TMC6: variants seen among roughly 807,000 people sequenced by gnomAD.
TMC6 encodes transmembrane channel-like protein 6.
Under a neutral mutation model 95.4 loss-of-function variants are expected in TMC6, and 71 were observed. That is an observed-to-expected ratio of 0.74 (90% confidence interval 0.61 to 0.91). The LOEUF (loss-of-function observed/expected upper bound fraction) is 0.91, where lower values mean the gene tolerates loss of function less well. Ranked by LOEUF, TMC6 falls within the 40% of genes least tolerant of loss-of-function variation. The probability of loss-of-function intolerance (pLI) is 0.00; values close to 1 mark genes in which losing one functional copy is unlikely to be tolerated. For synonymous variants in TMC6, 514 were observed against 483.1 expected, an observed-to-expected ratio of 1.06 and a Z score of -0.84; for missense variants, 1,074 against 1,079.1, an observed-to-expected ratio of 1.00 and a Z score of 0.07.
At chr17:78,118,286 G>C (rs2074233971) in intron 15 of TMC6, 1 of 383,966 alleles carries the variant, frequency 2.6e-6, no homozygotes, top group East Asian at 6.1e-5. Context: ...GCCAGGTGCG[G>C]TGGCTCATGC....
Position 78,117,518 on chromosome 17 carries a change from C to A in TMC6, c.2148G>T (p.Arg716=). The A allele has an allele frequency of 6.2e-7, 1 of 1,606,182 alleles. No individual in the cohort carries two copies. ...CAAAGAAGGTGTTTTCCATCAGGTA[C>A]CGGTGCACCCAGGGCAGCCAGGAGA... The part of the protein sequence containing the change: ...PRVSWLPWVH[R]YLMENTFFVF... The change falls in exon 17 of 20, where the codon CGG becomes CGT. Residue 716 remains arginine (R), a synonymous_variant. Transcript: ENST00000590602.
Position 78,119,334 on chromosome 17 carries a change from T to C in TMC6, c.1774A>G (p.Asn592Asp), listed in dbSNP as rs909137702. The C allele has an allele frequency of 3.7e-6, 6 of 1,613,822 alleles. No homozygotes were observed. Among genetic ancestry groups the C allele is most frequent in the Non-Finnish European group, 5.1e-6 (6 of 1,180,002 alleles). The change falls in exon 14 of 20, where the codon AAT becomes GAT. Residue 592 changes from asparagine (N) to aspartate (D), a missense_variant. By Grantham distance (23) the Asn-to-Asp change is conservative. Transcript: ENST00000590602. ...RRKPEFDIAR[N>D]VLELIYGQTL... Reference sequence around the variant, plus strand: ...TGCCCATAAATCAGCTCCAGGACATTCCGGGCAATGTCAAACTCCGGCTTC... The same window carrying C: ...TGCCCATAAATCAGCTCCAGGACATCCCGGGCAATGTCAAACTCCGGCTTC...
intron 9 of TMC6, 46 bp downstream of exon 9, chr17:78,123,943 T>C (rs1480436046): frequency 1.2e-6 from 2 of 1,604,264 alleles, no homozygotes; most frequent in African/African-American, 1.3e-5. Context: ...GATGAATGGA[T>C]GGATGAGTGG....
intron 14 of TMC6, 86 bp downstream of exon 14, chr17:78,119,211 C>G: frequency 6.4e-7 from 1 of 1,567,464 alleles, no homozygotes. Flanking sequence ...GCTGTGGCCC[C>G]AGGGGGAGGC....
rs2074428022 is a variant in TMC6 at position 78,121,775 on chromosome 17, A to G, written c.1228-64T>C. On this transcript the variant is annotated intron_variant, in intron 10 of 19. Transcript: ENST00000590602. This position sits in a 1 kb window ranked among gnomAD's most constrained non-coding sequence, Gnocchi z 5.6. Reference sequence around the variant, plus strand: ...CACGGGCACACGCAGACGTGCAGACACAGCACAACACACACAACACACATG... The same window carrying G: ...CACGGGCACACGCAGACGTGCAGACGCAGCACAACACACACAACACACATG... The G allele has an allele frequency of 3.3e-6, 5 of 1,509,084 alleles. No individual in the cohort carries two copies. Among genetic ancestry groups the G allele is most frequent in the Non-Finnish European group, 4.4e-6 (5 of 1,129,798 alleles). 93.5% of individuals were successfully genotyped at this position (1,509,084 alleles called of 1,614,324 possible). A position where few individuals can be genotyped will look rare whatever the true frequency, so the allele number is the denominator to read the frequency against.
chr17:78,126,411 G>A (rs777845504), intron 3 of TMC6, 45 bp from the exon 4 acceptor site: 1 of 1,603,640 alleles, frequency 6.2e-7, no homozygotes, highest in Non-Finnish European at 8.5e-7. Context: ...AGATGCCATT[G>A]GCCACAGTAT....
chr17:78,126,719 A>T (rs2074737780), intron 2 of TMC6, 58 bp downstream of exon 2: 1 of 1,611,240 alleles, frequency 6.2e-7, no homozygotes, highest in East Asian at 2.2e-5. Flanking sequence ...TGCTCAGGTG[A>T]CCTCTCCGTG....
Position 78,112,614 on chromosome 17 carries a change from C to T in TMC6, c.*534G>A, listed in dbSNP as rs1470179052. The T allele has an allele frequency of 6.0e-6, 1 of 167,198 alleles. No homozygotes were observed. The highest frequency in any genetic ancestry group is 1.8e-4 in the East Asian group (1 of 5,532). 10.4% of individuals were successfully genotyped at this position (167,198 alleles called of 1,614,324 possible). A position where few individuals can be genotyped will look rare whatever the true frequency, so the allele number is the denominator to read the frequency against. Reference sequence around the variant, plus strand: ...CCAAGTCCCTCTCTAAATTTGTCTCCTGCTCCAGTAGATGCTACAGCATCA... The same window carrying T: ...CCAAGTCCCTCTCTAAATTTGTCTCTTGCTCCAGTAGATGCTACAGCATCA... On this transcript the variant is annotated 3_prime_UTR_variant, in exon 20 of 20. Coordinates refer to ENST00000590602, the MANE Select transcript of TMC6 (RefSeq NM_001127198.5).
upstream of TMC6, chr17:78,131,358 A>G: frequency 1.6e-6 from 1 of 617,806 alleles, no homozygotes; most frequent in South Asian, 1.9e-5. Context: ...CCGCAGCAGG[A>G]TTCTCTCTCA....
At chr17:78,125,597 G>C in intron 5 of TMC6, 129 bp downstream of exon 5, 1 of 1,392,152 alleles carries the variant, frequency 7.2e-7, no homozygotes, top group Non-Finnish European at 9.6e-7. Flanking sequence ...CCTTCAGGCA[G>C]CCTGCTAAGG....
At chr17:78,131,679 G>A (rs767843139), upstream of TMC6, 25 of 1,574,730 alleles carry the variant, frequency 1.6e-5, no homozygotes, top group Non-Finnish European at 2.1e-5. Context: ...GCGGCTGCGC[G>A]GCTCTGGGAC....
rs1325603357 is a variant in TMC6 at position 78,128,063 on chromosome 17, C to T, written c.-75+549G>A. ...TCTAAGCTCAGGGAACCCGGGGACT[C>T]GGGCACCCAGCGCCCCAGCACTCCG... On this transcript the variant is annotated intron_variant, in intron 1 of 19. Coordinates refer to ENST00000590602, the MANE Select transcript of TMC6 (RefSeq NM_001127198.5). This position sits in a 1 kb window ranked among gnomAD's most constrained non-coding sequence, Gnocchi z 4.0. 1.3e-5 allele frequency among the ~76,000 whole-genome samples: 2 copies of T among 152,304 alleles called. No homozygotes were observed. The highest frequency in any genetic ancestry group is 4.1e-4 in the South Asian group (2 of 4,828).
intron 13 of TMC6, chr17:78,119,917 G>A (rs2074323975): frequency 9.1e-6 from 3 of 330,730 alleles, no homozygotes; most frequent in South Asian, 7.6e-5. Context: ...CAAAGTGCTG[G>A]GATTACAGGC....
Position 78,109,111 on chromosome 17 carries a change from T to TTTGTTG in TMC6, c.*4031_*4036dup, listed in dbSNP as rs371196010. ...ACAGGCATGAGCCAGGTGCCCAGCC[T>TTTGTTG]TTGTTGTTGTTGTTGTTGCTGCTAT... On this transcript the variant is annotated 3_prime_UTR_variant, in exon 20 of 20. Transcript: ENST00000590602. 37 of 262,210 alleles carry TTTGTTG rather than the reference T, an allele frequency of 1.4e-4. No homozygotes were observed. Among genetic ancestry groups the TTTGTTG allele is most frequent in the African/African-American group, 7.8e-4 (35 of 44,878 alleles). The allele number at this position is 262,210 out of a possible 1,614,324, so 16.2% of individuals were successfully genotyped here.
At chr17:78,131,556 C>A (rs1568011114), upstream of TMC6, 1 of 1,539,392 alleles carries the variant, frequency 6.5e-7, no homozygotes, top group East Asian at 2.4e-5. Flanking sequence ...CACCGGCAGC[C>A]CGGCGCCCCA....
chr17:78,131,948 G>T, upstream of TMC6: 1 of 1,512,086 alleles, frequency 6.6e-7, no homozygotes, highest in Non-Finnish European at 8.8e-7. Flanking sequence ...GGCGGCAGAC[G>T]GTGGAAAGGC....
chr17:78,124,268 G>T, intron 8 of TMC6, 89 bp from the exon 9 acceptor site: 1 of 1,543,774 alleles, frequency 6.5e-7, no homozygotes. Context: ...AGAGCAGGAG[G>T]AGGCCAGGCA....
chr17:78,113,040 C>T lies in TMC6; in HGVS notation c.*108G>A, dbSNP rs1157196798. 9 of 1,366,086 alleles carry T rather than the reference C, an allele frequency of 6.6e-6. No homozygotes were observed. Among genetic ancestry groups the T allele is most frequent in the Middle Eastern group, 1.9e-4 (1 of 5,228 alleles). The allele number at this position is 1,366,086 out of a possible 1,614,324, so 84.6% of individuals were successfully genotyped here. A position where few individuals can be genotyped will look rare whatever the true frequency, so the allele number is the denominator to read the frequency against. On this transcript the variant is annotated 3_prime_UTR_variant, in exon 20 of 20. Transcript: ENST00000590602. The stretch of plus-strand genomic sequence containing the variant: ...CCAGCCTAGGCGCAGCTGCGGCTTT[C>T]GAGAGGCGAAACTGTCTTCCTTGTC...
At chr17:78,120,357 G>A (rs922789601) in intron 13 of TMC6, 5 of 480,214 alleles carry the variant, frequency 1.0e-5, no homozygotes, top group Non-Finnish European at 1.6e-5. Flanking sequence ...ACGGGGTTTT[G>A]CCATGCTGGC....
Sources: gnomAD v4.1 joint callset for allele counts (sites outside exome capture counted in the v4.1 genomes callset) on GRCh38, gnomAD v4.1.1 for gene constraint, Gnocchi (gnomAD v3.1) non-coding constraint, MANE v1.5 for transcripts, NCBI Gene and HGNC (gene_info 2026-07-23, HGNC 2026-07-21) for gene names.